DCLK1: variants seen among roughly 807,000 people sequenced by gnomAD.
DCLK1 encodes the protein serine/threonine-protein kinase DCLK1.
A neutral mutation model predicts 86.2 loss-of-function variants in DCLK1; 16 were observed. The observed-to-expected ratio is 0.19, with a 90% confidence interval of 0.13 to 0.28. The LOEUF (loss-of-function observed/expected upper bound fraction) is 0.28. DCLK1 is among the 10% of genes least tolerant of loss of function. DCLK1 has a pLI of 1.00. For missense variants in DCLK1, 590 were observed against 940.2 expected (o/e 0.63, Z 4.87); for synonymous variants, 369 against 370.5 (o/e 1.00, Z 0.05).
At chr13:36,029,366 A>G (rs1269117634) in intron 3 of DCLK1, among the ~76,000 whole-genome samples, 2 of 152,192 alleles carry the variant, frequency 1.3e-5, no homozygotes, top group African/African-American at 4.8e-5. Flanking sequence ...CTGTTTTTCT[A>G]TCAGCGTCAC....
chr13:36,069,712 G>A (rs932181491), intron 3 of DCLK1, among the ~76,000 whole-genome samples: 19 of 152,066 alleles, frequency 1.2e-4, no homozygotes, highest in African/African-American at 4.3e-4. Context: ...CCTTATTTTT[G>A]TGTTGCTTTG....
intron 9 of DCLK1, 64 bp downstream of exon 9, chr13:35,828,186 G>T: frequency 1.5e-6 from 2 of 1,347,374 alleles, no homozygotes; most frequent in Non-Finnish European, 2.1e-6. Flanking sequence ...GTTTGGGAGT[G>T]ATCTTTGTGT....
intron 8 of DCLK1, among the ~76,000 whole-genome samples, chr13:35,828,739 C>T (rs1868696158): frequency 6.6e-6 from 1 of 152,166 alleles, no homozygotes. Context: ...ACTCTTCCCT[C>T]CCCTTCCCTC....
intron 5 of DCLK1, among the ~76,000 whole-genome samples, chr13:35,863,440 GACAGTA>G (rs1209035382): frequency 1.3e-5 from 2 of 152,198 alleles, no homozygotes; most frequent in Admixed American, 1.3e-4. Context: ...CCCCCAAGTA[GACAGTA>G]AGTCAAGATA....
chr13:35,940,895 C>A (rs763790300), intron 4 of DCLK1, among the ~76,000 whole-genome samples: 6 of 152,168 alleles, frequency 3.9e-5, no homozygotes, highest in Non-Finnish European at 8.8e-5. Flanking sequence ...TGGCTGAGTC[C>A]AGCTGCAATC....
intron 4 of DCLK1, among the ~76,000 whole-genome samples, chr13:35,923,677 G>A (rs1452127546): frequency 6.6e-6 from 1 of 152,040 alleles, no homozygotes; most frequent in African/African-American, 2.4e-5. Flanking sequence ...ATACCACTCA[G>A]GGAAAAATAT....
At position 35,949,825 on chromosome 13, in the gene DCLK1, G is replaced by GTTTTT. The variant is rs34920645; in HGVS notation, c.724-2373_724-2369dup. Among the ~76,000 whole-genome samples, 10 of 130,696 alleles carry GTTTTT rather than the reference G, an allele frequency of 7.7e-5. 1 individual carries two copies. Among genetic ancestry groups the GTTTTT allele is most frequent in the Admixed American group, 3.3e-4 (4 of 12,058 alleles). The allele number at this position is 130,696 out of a possible 152,430, so 85.7% of individuals were successfully genotyped here. Reference sequence around the variant, plus strand: ...AACAAACAATGATCCATCTTGGGCAGTTTTTTTTTTTTTTTGGCAAGCGGG... The same window carrying GTTTTT: ...AACAAACAATGATCCATCTTGGGCAGTTTTTTTTTTTTTTTTTTTTGGCAAGCGGG... On this transcript the variant is annotated intron_variant, in intron 3 of 16. Transcript: ENST00000360631.
chr13:35,839,014 G>A (rs1869601363), intron 7 of DCLK1, 78 bp downstream of exon 7: 1 of 1,355,736 alleles, frequency 7.4e-7, no homozygotes, highest in Admixed American at 2.0e-5. Flanking sequence ...CATTCCGCTT[G>A]AGAAGCCACA....
At chr13:36,087,137 G>A (rs1884636320) in intron 3 of DCLK1, among the ~76,000 whole-genome samples, 3 of 152,178 alleles carry the variant, frequency 2.0e-5, no homozygotes, top group African/African-American at 2.4e-5. Context: ...GTTGTTTCCT[G>A]ACTTTTTAAT....
At chr13:35,892,664 G>A (rs970088903) in intron 4 of DCLK1, among the ~76,000 whole-genome samples, 3 of 152,158 alleles carry the variant, frequency 2.0e-5, no homozygotes, top group African/African-American at 7.2e-5. Flanking sequence ...CCCTCAAGAA[G>A]TTCACAGTCA....
intron 4 of DCLK1, among the ~76,000 whole-genome samples, chr13:35,914,612 A>T (rs1173318691): frequency 6.7e-6 from 1 of 150,222 alleles, no homozygotes; most frequent in Non-Finnish European, 1.5e-5. Flanking sequence ...TCTGCTCAGG[A>T]GGCTGAGACA....
intron 3 of DCLK1, among the ~76,000 whole-genome samples, chr13:35,961,018 T>A (rs1181154659): frequency 6.6e-6 from 1 of 152,226 alleles, no homozygotes; most frequent in Non-Finnish European, 1.5e-5. Flanking sequence ...TTACATATTT[T>A]TCTATTCCAA....
chr13:35,788,693 T>G (rs9646082), intron 16 of DCLK1, among the ~76,000 whole-genome samples: 14,302 of 152,182 alleles, frequency 0.094, 825 homozygotes, highest in East Asian at 0.19. Context: ...AGGCTTAAAT[T>G]TGAGGGCTTC....
At chr13:35,970,464 A>G (rs1879010030) in intron 3 of DCLK1, among the ~76,000 whole-genome samples, 1 of 152,204 alleles carries the variant, frequency 6.6e-6, no homozygotes, top group African/African-American at 2.4e-5. Context: ...TCACCAATGT[A>G]TCAATATTGG....
intron 15 of DCLK1, among the ~76,000 whole-genome samples, chr13:35,795,395 C>T (rs1013152547): frequency 6.6e-6 from 1 of 152,168 alleles, no homozygotes; most frequent in Non-Finnish European, 1.5e-5. Context: ...AGAATTGAAG[C>T]CTTCATCTCC....
At chr13:36,105,945 A>G (rs1885378659) in intron 3 of DCLK1, among the ~76,000 whole-genome samples, 1 of 152,212 alleles carries the variant, frequency 6.6e-6, no homozygotes, top group African/African-American at 2.4e-5. Flanking sequence ...TAGAAGCAAG[A>G]GAACTCACCA....
intron 3 of DCLK1, among the ~76,000 whole-genome samples, chr13:35,955,906 T>C (rs1180506911): frequency 6.6e-6 from 1 of 152,152 alleles, no homozygotes; most frequent in Non-Finnish European, 1.5e-5. Flanking sequence ...GGGCTATTAT[T>C]TAAGAATAGA....
At chr13:35,944,506 T>C (rs1877259444) in intron 4 of DCLK1, among the ~76,000 whole-genome samples, 1 of 152,220 alleles carries the variant, frequency 6.6e-6, no homozygotes, top group Non-Finnish European at 1.5e-5. Flanking sequence ...CAAATGTTAA[T>C]ACATTAGCGC....
chr13:35,891,678 G>C (rs1031648786), intron 4 of DCLK1, among the ~76,000 whole-genome samples: 1 of 152,210 alleles, frequency 6.6e-6, no homozygotes, highest in African/African-American at 2.4e-5. Flanking sequence ...GTTTTGAGTA[G>C]AGTGATGTGC....
Sources: allele counts gnomAD v4.1 joint callset (sites outside exome capture counted in the v4.1 genomes callset), GRCh38; gene constraint gnomAD v4.1.1; transcripts MANE v1.5; gene names NCBI Gene and HGNC (gene_info 2026-07-23, HGNC 2026-07-21).